DRC11: variants seen among roughly 807,000 people sequenced by gnomAD.
DRC11 encodes the protein dynein regulatory complex subunit 11, also known as IQ and AAA domain-containing protein 1.
At chr2:236,400,006 C>T in the DRC11 span, among the ~76,000 whole-genome samples, 1 of 152,218 alleles carries the variant, frequency 6.6e-6, no homozygotes, top group Non-Finnish European at 1.5e-5. The surrounding 1 kb of genome is among the most constrained non-coding windows in gnomAD (Gnocchi z 7.9). Flanking sequence ...CCTGAGCCAC[C>T]ACACCCGGCC....
At chr2:236,480,462 G>A in the DRC11 span, among the ~76,000 whole-genome samples, 2 of 151,664 alleles carry the variant, frequency 1.3e-5, no homozygotes, top group Non-Finnish European at 2.9e-5. Flanking sequence ...TTTTCAAATA[G>A]CTTGCCTTCA....
At chr2:236,338,201 T>C in the DRC11 span, 2 of 1,612,910 alleles carry the variant, frequency 1.2e-6, no homozygotes, top group Non-Finnish European at 1.7e-6. Flanking sequence ...CTGGGGGTAC[T>C]TGCCGTATCT....
At chr2:236,408,028 T>C in the DRC11 span, 1 of 567,152 alleles carries the variant, frequency 1.8e-6, no homozygotes. This position sits in a 1 kb window ranked among gnomAD's most constrained non-coding sequence, Gnocchi z 5.5. Context: ...CAAAGACTTG[T>C]GGAGGGTGAG....
At chr2:236,320,326 A>G in the DRC11 span, among the ~76,000 whole-genome samples, 1 of 152,228 alleles carries the variant, frequency 6.6e-6, no homozygotes, top group African/African-American at 2.4e-5. Context: ...AAGACTTTCA[A>G]GGACAGGACA....
chr2:236,461,277 G>T, the DRC11 span, among the ~76,000 whole-genome samples: 1 of 152,148 alleles, frequency 6.6e-6, no homozygotes, highest in African/African-American at 2.4e-5. The surrounding 1 kb of genome is among the most constrained non-coding windows in gnomAD (Gnocchi z 4.0). Context: ...AATGGGGAAA[G>T]TTTCGGATAA....
the DRC11 span, among the ~76,000 whole-genome samples, chr2:236,316,659 G>A: frequency 2.1e-3 from 318 of 152,328 alleles, no homozygotes; most frequent in African/African-American, 7.4e-3. The surrounding 1 kb of genome is among the most constrained non-coding windows in gnomAD (Gnocchi z 6.8). Context: ...TGATCACTAT[G>A]CATATGAAAA....
At chr2:236,421,726 T>C in the DRC11 span, among the ~76,000 whole-genome samples, 4 of 152,288 alleles carry the variant, frequency 2.6e-5, no homozygotes, top group Non-Finnish European at 4.4e-5. Context: ...CAGCGTTATC[T>C]TGATACCAAA....
At chr2:236,396,996 C>G in the DRC11 span, among the ~76,000 whole-genome samples, 1 of 152,126 alleles carries the variant, frequency 6.6e-6, no homozygotes, top group African/African-American at 2.4e-5. Flanking sequence ...CAAGGGCCCT[C>G]AAGGAAGGGG....
At chr2:236,437,147 T>C in the DRC11 span, among the ~76,000 whole-genome samples, 1 of 141,522 alleles carries the variant, frequency 7.1e-6, no homozygotes, top group Admixed American at 7.3e-5. Context: ...TCTGTCCATG[T>C]GTTCTCATTG....
the DRC11 span, among the ~76,000 whole-genome samples, chr2:236,423,749 C>T: frequency 6.6e-6 from 1 of 152,076 alleles, no homozygotes; most frequent in African/African-American, 2.4e-5. Context: ...GACACATGCA[C>T]ATGTATGTTT....
At chr2:236,320,174 C>T in the DRC11 span, among the ~76,000 whole-genome samples, 2 of 152,242 alleles carry the variant, frequency 1.3e-5, no homozygotes, top group African/African-American at 4.8e-5. Flanking sequence ...CAGGTGCTTT[C>T]ACACATATAT....
the DRC11 span, chr2:236,363,671 G>A: frequency 1.2e-6 from 1 of 858,926 alleles, no homozygotes; most frequent in Non-Finnish European, 1.9e-6. This position sits in a 1 kb window ranked among gnomAD's most constrained non-coding sequence, Gnocchi z 5.6. Flanking sequence ...TAGACAATGA[G>A]GAAATTTAAG....
the DRC11 span, among the ~76,000 whole-genome samples, chr2:236,357,573 G>C: frequency 4.9e-5 from 6 of 122,178 alleles, no homozygotes; most frequent in Non-Finnish European, 7.9e-5. Context: ...TATATGCATA[G>C]TTATATATTA....
the DRC11 span, chr2:236,497,611 T>A: frequency 1.5e-6 from 1 of 679,480 alleles, no homozygotes; most frequent in Admixed American, 3.0e-5. The surrounding 1 kb of genome is among the most constrained non-coding windows in gnomAD (Gnocchi z 5.1). Context: ...AATATAGTTA[T>A]ATAGTTGCAA....
the DRC11 span, among the ~76,000 whole-genome samples, chr2:236,405,844 G>A: frequency 1.3e-5 from 2 of 152,290 alleles, no homozygotes; most frequent in African/African-American, 2.4e-5. This position sits in a 1 kb window ranked among gnomAD's most constrained non-coding sequence, Gnocchi z 4.6. Context: ...GATGATTCAC[G>A]TCCATGGTGG....
At chr2:236,432,286 T>A in the DRC11 span, among the ~76,000 whole-genome samples, 5 of 152,194 alleles carry the variant, frequency 3.3e-5, no homozygotes, top group Non-Finnish European at 5.9e-5. Flanking sequence ...GTCTTCTTAT[T>A]GAGGTGTAAG....
At chr2:236,405,561 C>G in the DRC11 span, among the ~76,000 whole-genome samples, 5 of 152,012 alleles carry the variant, frequency 3.3e-5, no homozygotes, top group Non-Finnish European at 7.3e-5. This position sits in a 1 kb window ranked among gnomAD's most constrained non-coding sequence, Gnocchi z 4.6. Flanking sequence ...TTAGAGCAGA[C>G]AGTTGCTTTC....
chr2:236,314,735 A>G, the DRC11 span, among the ~76,000 whole-genome samples: 6,902 of 152,074 alleles, frequency 0.045, 520 homozygotes, highest in African/African-American at 0.16. The surrounding 1 kb of genome is among the most constrained non-coding windows in gnomAD (Gnocchi z 4.5). Context: ...TCTAGAAGTG[A>G]ATCTAAGGAA....
chr2:236,383,374 C>A, the DRC11 span, among the ~76,000 whole-genome samples: 1 of 152,100 alleles, frequency 6.6e-6, no homozygotes. Flanking sequence ...TTTTTAAAAT[C>A]CTTTCAGAAA....
Sources: gnomAD v4.1 joint callset for allele counts (sites outside exome capture counted in the v4.1 genomes callset) on GRCh38, gnomAD v4.1.1 for gene constraint, Gnocchi (gnomAD v3.1) non-coding constraint, MANE v1.5 for transcripts, NCBI Gene and HGNC (gene_info 2026-07-23, HGNC 2026-07-21) for gene names.